Variants in ITGBL1 observed in about 807,000 individuals in gnomAD.
ITGBL1 encodes the protein integrin subunit beta like 1.
ITGBL1 carries 51 observed loss-of-function variants against 68.5 expected under a neutral mutation model. That is an observed-to-expected ratio of 0.74 (90% CI 0.59 to 0.94). ITGBL1 has a LOEUF of 0.94. ITGBL1 is among the 40% of genes least tolerant of loss of function. The pLI, the probability that ITGBL1 is intolerant of heterozygous loss-of-function variation, is 0.00. For synonymous variants in ITGBL1, 209 were observed against 227.3 expected, an observed-to-expected ratio of 0.92 and a Z score of 0.72; for missense variants, 649 against 647.4, an observed-to-expected ratio of 1.00 and a Z score of -0.03.
chr13:101,526,155 C>CTT (rs66790287), intron 2 of ITGBL1, among the ~76,000 whole-genome samples: 14,391 of 136,434 alleles, frequency 0.11, 1,331 homozygotes, highest in African/African-American at 0.24. Context: ...TCTTCTTCTT[C>CTT]TTTTTTTTTT....
intron 2 of ITGBL1, among the ~76,000 whole-genome samples, chr13:101,543,845 C>A (rs962696085): frequency 6.6e-6 from 1 of 152,200 alleles, no homozygotes; most frequent in Non-Finnish European, 1.5e-5. Context: ...TTGATCAAAT[C>A]GGCTACTGAG....
rs74646713 is a variant in ITGBL1 at position 101,531,711 on chromosome 13, A to T, written c.317-35988A>T. 7.5e-3 allele frequency among the ~76,000 whole-genome samples: 508 copies of T among 67,952 alleles called. 3 individuals are homozygous for T. The highest frequency in any genetic ancestry group is 9.4e-3 in the Non-Finnish European group (282 of 29,852). The allele number at this position is 67,952 out of a possible 152,430, so 44.6% of individuals were successfully genotyped here. On this transcript the variant is annotated intron_variant, in intron 2 of 10. Transcript: ENST00000376180. ...ATTTTTTTTATTTTGTTATTTATTTATTTATTTATTTATTTATTTATTTAT... is the reference window on the plus strand; with the variant it reads ...ATTTTTTTTATTTTGTTATTTATTTTTTTATTTATTTATTTATTTATTTAT...
chr13:101,545,633 G>A (rs1435517851), intron 2 of ITGBL1, among the ~76,000 whole-genome samples: 1 of 152,108 alleles, frequency 6.6e-6, no homozygotes, highest in African/African-American at 2.4e-5. Flanking sequence ...ATCTTCCATG[G>A]TAAAGTTAGT....
At chr13:101,494,457 GAC>G (rs1170402148) in intron 2 of ITGBL1, among the ~76,000 whole-genome samples, 2 of 152,132 alleles carry the variant, frequency 1.3e-5, no homozygotes, top group Admixed American at 1.3e-4. Flanking sequence ...ACTATTCAAA[GAC>G]ACACTTGTAT....
In ITGBL1 at chr13:101,567,752, G is replaced by T. The variant is rs754802034; in HGVS notation, c.370G>T (p.Asp124Tyr). The T allele has an allele frequency of 6.2e-7, 1 of 1,613,360 alleles. No individual in the cohort carries two copies. The highest frequency in any genetic ancestry group is 8.5e-7 in the Non-Finnish European group (1 of 1,179,466). ...CAAGTGTGACCAGGGATGGTATGGG[G>T]ATGCTTGCCAGTACCCAACTAACTG... ...KCKCDQGWYG[D>Y]ACQYPTNCDL... The change falls in exon 3 of 11, where the codon GAT (aspartate) becomes TAT (tyrosine). Residue 124 changes from aspartate (D) to tyrosine (Y), a missense_variant. Physicochemically the swap from Asp to Tyr is radical, Grantham distance 160. Transcript: ENST00000376180.
chr13:101,706,699 CT>C, intron 8 of ITGBL1, 56 bp from the exon 9 acceptor site: 4 of 1,552,010 alleles, frequency 2.6e-6, no homozygotes, highest in Non-Finnish European at 3.5e-6. Flanking sequence ...TTAAAACTCT[CT>C]GCTTCAGCTG....
At chr13:101,598,536 TA>T (rs1415321159) in intron 7 of ITGBL1, among the ~76,000 whole-genome samples, 3 of 152,124 alleles carry the variant, frequency 2.0e-5, no homozygotes, top group Admixed American at 2.0e-4. Flanking sequence ...CTGCATGCAT[TA>T]ACTGGTCATT....
At chr13:101,454,641 C>T (rs1419974583) in intron 2 of ITGBL1, among the ~76,000 whole-genome samples, 3 of 152,014 alleles carry the variant, frequency 2.0e-5, no homozygotes, top group South Asian at 2.1e-4. Flanking sequence ...AGATCTTAGG[C>T]CTGTATTTTA....
chr13:101,605,691 C>T (rs1005094002), intron 7 of ITGBL1, among the ~76,000 whole-genome samples: 18 of 151,018 alleles, frequency 1.2e-4, no homozygotes, highest in African/African-American at 4.1e-4. Flanking sequence ...TGCGTATACA[C>T]GTATGTAGAC....
chr13:101,453,297 G>T (rs1453116560), intron 1 of ITGBL1, among the ~76,000 whole-genome samples: 1 of 152,166 alleles, frequency 6.6e-6, no homozygotes, highest in Non-Finnish European at 1.5e-5. Context: ...GTTACATTTT[G>T]TATCATCCTG....
At chr13:101,695,232 T>A (rs2033975300) in intron 8 of ITGBL1, among the ~76,000 whole-genome samples, 1 of 152,164 alleles carries the variant, frequency 6.6e-6, no homozygotes, top group Admixed American at 6.5e-5. Context: ...CTCACAACAA[T>A]ACTTGGTAGT....
chr13:101,665,814 A>ATTGT, intron 7 of ITGBL1, among the ~76,000 whole-genome samples: 2 of 152,202 alleles, frequency 1.3e-5, no homozygotes, highest in Non-Finnish European at 2.9e-5. Context: ...AATAACAAGA[A>ATTGT]CTATCATAAG....
At chr13:101,704,400 A>T (rs1396780715) in intron 8 of ITGBL1, among the ~76,000 whole-genome samples, 1 of 146,384 alleles carries the variant, frequency 6.8e-6, no homozygotes, top group Non-Finnish European at 1.5e-5. Flanking sequence ...AATTTAATGG[A>T]TTTTTCAAGA....
At chr13:101,628,186 G>A (rs931828641) in intron 7 of ITGBL1, among the ~76,000 whole-genome samples, 1 of 152,128 alleles carries the variant, frequency 6.6e-6, no homozygotes, top group Non-Finnish European at 1.5e-5. Flanking sequence ...GCATTTGCCT[G>A]ATGACAATAT....
intron 6 of ITGBL1, among the ~76,000 whole-genome samples, chr13:101,589,936 A>C (rs1254965573): frequency 1.3e-5 from 2 of 152,232 alleles, no homozygotes; most frequent in Non-Finnish European, 2.9e-5. Flanking sequence ...GAAGAGCATC[A>C]GAAATAGCAA....
chr13:101,576,516 A>G (rs1393060085), intron 4 of ITGBL1, among the ~76,000 whole-genome samples: 1 of 152,198 alleles, frequency 6.6e-6, no homozygotes, highest in Non-Finnish European at 1.5e-5. Flanking sequence ...CTCCTATCTC[A>G]TGGGATTCCA....
chr13:101,457,278 G>C (rs191799072), intron 2 of ITGBL1, among the ~76,000 whole-genome samples: 144 of 152,318 alleles, frequency 9.5e-4, no homozygotes, highest in African/African-American at 3.4e-3. Context: ...AATGCAGTGA[G>C]AGCAATTTAC....
At chr13:101,671,422 C>CTTTTTTTT (rs1190065334) in intron 7 of ITGBL1, among the ~76,000 whole-genome samples, 2 of 117,916 alleles carry the variant, frequency 1.7e-5, no homozygotes, top group African/African-American at 3.0e-5. Context: ...AAAAGTATAC[C>CTTTTTTTT]TTTGTTTTTT....
At chr13:101,499,147 T>A (rs553508923) in intron 2 of ITGBL1, among the ~76,000 whole-genome samples, 5 of 152,304 alleles carry the variant, frequency 3.3e-5, no homozygotes, top group African/African-American at 1.2e-4. Flanking sequence ...CAATTTTGCC[T>A]TGTGTTATCT....
Sources: allele counts gnomAD v4.1 joint callset (sites outside exome capture counted in the v4.1 genomes callset), GRCh38; gene constraint gnomAD v4.1.1; transcripts MANE v1.5; gene names NCBI Gene and HGNC (gene_info 2026-07-23, HGNC 2026-07-21).